PSMD5: variants seen among roughly 807,000 people sequenced by gnomAD.
The protein encoded by PSMD5 is 26S proteasome non-ATPase regulatory subunit 5.
In PSMD5, 40 loss-of-function variants were observed where a neutral mutation model predicts 52.1. The observed-to-expected ratio is 0.77, with a 90% CI of 0.60 to 1.00. The LOEUF is 1.00. Among genes scored for constraint, PSMD5 ranks in the 50% least tolerant of loss-of-function variants. PSMD5 has a pLI of 0.00. For synonymous variants in PSMD5, 211 were observed against 226.6 expected (o/e 0.93, Z 0.62); for missense variants, 575 against 605.2 (o/e 0.95, Z 0.52).
chr9:120,837,648 G>T (rs2045207473), intron 1 of PSMD5, among the ~76,000 whole-genome samples: 1 of 152,140 alleles, frequency 6.6e-6, no homozygotes, highest in Non-Finnish European at 1.5e-5. Flanking sequence ...TACACTGCTG[G>T]TAGAAATGTA....
At position 120,821,477 on chromosome 9, in the gene PSMD5, A is replaced by T; in HGVS notation, c.1007-13T>A. 1 of 1,511,904 alleles carries T rather than the reference A, an allele frequency of 6.6e-7. No homozygotes were observed. Among genetic ancestry groups the T allele is most frequent in the Non-Finnish European group, 9.0e-7 (1 of 1,111,760 alleles). 93.7% of individuals were successfully genotyped at this position (1,511,904 alleles called of 1,614,324 possible). A position where few individuals can be genotyped will look rare whatever the true frequency, so the allele number is the denominator to read the frequency against. On this transcript the variant is annotated splice_polypyrimidine_tract_variant and intron_variant, in intron 7 of 9. Transcript: ENST00000210313. The stretch of plus-strand genomic sequence containing the variant: ...TCAAAGCGAGTTCCTTTGAAGGATA[A>T]CAGTGAGATTCTTCTTTATTATGGT...
intron 1 of PSMD5, among the ~76,000 whole-genome samples, chr9:120,838,309 C>T (rs141552842): frequency 1.7e-3 from 258 of 152,266 alleles, no homozygotes; most frequent in African/African-American, 5.8e-3. Context: ...AGTAGTGGTA[C>T]GTTAAACTGC....
At chr9:120,842,384 C>T (rs1343277551) in intron 1 of PSMD5, 2 of 267,016 alleles carry the variant, frequency 7.5e-6, no homozygotes, top group African/African-American at 4.4e-5. Context: ...AGGATAGGAT[C>T]CTTTTAGAAG....
At chr9:120,838,357 T>C (rs562854113) in intron 1 of PSMD5, among the ~76,000 whole-genome samples, 1 of 152,342 alleles carries the variant, frequency 6.6e-6, no homozygotes, top group South Asian at 2.1e-4. Context: ...GACCCTTCTT[T>C]GCCAACGAGC....
In PSMD5 at chr9:120,833,565, T is replaced by A. The variant is rs544070737; in HGVS notation, c.174-109A>T. 147 of 1,168,496 alleles carry A rather than the reference T, an allele frequency of 1.3e-4. No homozygotes were observed. The African/African-American group carries it at 2.0e-3, about 16-fold the overall frequency. 72.4% of individuals were successfully genotyped at this position (1,168,496 alleles called of 1,614,324 possible). ...AGCGTCTCCTCCACACAGACTTCTT[T>A]TTGAAACAGCAGCTTTCACTCACCT... On this transcript the variant is annotated intron_variant, in intron 1 of 9. Transcript: ENST00000210313.
At chr9:120,835,444 G>A (rs765373884) in intron 1 of PSMD5, among the ~76,000 whole-genome samples, 1 of 152,156 alleles carries the variant, frequency 6.6e-6, no homozygotes, top group African/African-American at 2.4e-5. Flanking sequence ...AGTAGATTCC[G>A]CTAGGCTCGG....
chr9:120,826,770 A>T lies in PSMD5; in HGVS notation c.809T>A (p.Leu270Gln), dbSNP rs1386117582. ...TAGGCATCAGTGTTCCTTACCTGGC[A>T]GATAGAAGCTAGAGAAAGGGTCTGA... ...ADSDPFSSFY[L>Q]PGFVKFFGNL... The change falls in exon 6 of 10, where the codon CTG becomes CAG. Residue 270 changes from leucine (L) to glutamine (Q), a missense_variant. Transcript: ENST00000210313. 1.2e-6 allele frequency: 2 copies of T among 1,613,658 alleles called. No individual in the cohort carries two copies. Among genetic ancestry groups the T allele is most frequent in the African/African-American group, 1.3e-5 (1 of 75,038 alleles).
intron 5 of PSMD5, 120 bp downstream of exon 5, chr9:120,828,979 C>T (rs2045142097): frequency 7.8e-7 from 1 of 1,283,490 alleles, no homozygotes; most frequent in Non-Finnish European, 1.0e-6. Flanking sequence ...TCAGGACACA[C>T]ATCAGTCATG....
intron 8 of PSMD5, 124 bp downstream of exon 8, chr9:120,821,231 T>A: frequency 1.3e-6 from 1 of 750,644 alleles, no homozygotes; most frequent in South Asian, 2.2e-5. Flanking sequence ...ATTAAAAATG[T>A]CACTAGTCAT....
intron 1 of PSMD5, among the ~76,000 whole-genome samples, chr9:120,839,295 TA>T (rs1195044268): frequency 6.6e-6 from 1 of 152,184 alleles, no homozygotes; most frequent in African/African-American, 2.4e-5. Context: ...AATGGCATTC[TA>T]AAAACTCACT....
At chr9:120,824,394 A>G in intron 7 of PSMD5, 100 bp downstream of exon 7, 1 of 1,161,648 alleles carries the variant, frequency 8.6e-7, no homozygotes, top group Non-Finnish European at 1.3e-6. Flanking sequence ...CACCCATAAA[A>G]TAGTTTCTAC....
intron 5 of PSMD5, among the ~76,000 whole-genome samples, chr9:120,828,518 C>A (rs563532667): frequency 2.2e-4 from 32 of 148,812 alleles, no homozygotes; most frequent in Non-Finnish European, 3.3e-4. Flanking sequence ...ACCTCCACCT[C>A]CCAGGTTCAA....
chr9:120,824,474 C>T lies in PSMD5; in HGVS notation c.1006+20G>A. 6.2e-7 allele frequency: 1 copy of T among 1,612,928 alleles called. No homozygotes were observed. The highest frequency in any genetic ancestry group is 2.2e-5 in the East Asian group (1 of 44,864). On this transcript the variant is annotated intron_variant, in intron 7 of 9. Transcript: ENST00000210313. ...TGTCAAAGATTAAGATATCCCTGAA[C>T]AGGGCCAAGTCATACCAACCTGTTT... is the stretch of plus-strand genomic sequence containing the variant.
intron 2 of PSMD5, among the ~76,000 whole-genome samples, chr9:120,833,094 G>A (rs926790384): frequency 6.6e-6 from 1 of 152,118 alleles, no homozygotes; most frequent in Admixed American, 6.5e-5. Context: ...GGTACTTAAT[G>A]GAACTTCTTT....
chr9:120,826,586 G>A lies in PSMD5; in HGVS notation c.814+179C>T, dbSNP rs558548092. ...CATCAGGGTGGATGACCCTTTTAATGTGCTGTTGAATTTGAACTTGGTTGC... is the reference window on the plus strand; with the variant it reads ...CATCAGGGTGGATGACCCTTTTAATATGCTGTTGAATTTGAACTTGGTTGC... On this transcript the variant is annotated intron_variant, in intron 6 of 9. Transcript: ENST00000210313. 26 of 689,486 alleles carry A rather than the reference G, an allele frequency of 3.8e-5. No homozygotes were observed. In the South Asian group the frequency reaches 5.9e-4, roughly 16 times the overall value. 42.7% of individuals were successfully genotyped at this position (689,486 alleles called of 1,614,324 possible).
intron 7 of PSMD5, among the ~76,000 whole-genome samples, chr9:120,823,150 G>C (rs1163578941): frequency 6.6e-6 from 1 of 151,624 alleles, no homozygotes; most frequent in Non-Finnish European, 1.5e-5. Context: ...ATATTATTTT[G>C]TGTGTAAAAT....
At chr9:120,832,460 G>A (rs940700437) in intron 2 of PSMD5, among the ~76,000 whole-genome samples, 3 of 146,996 alleles carry the variant, frequency 2.0e-5, no homozygotes, top group Non-Finnish European at 3.0e-5. Context: ...GCAGTGGCGC[G>A]ATCTCAGCTC....
At chr9:120,824,880 C>T (rs1157722551) in intron 6 of PSMD5, 195 bp from the exon 7 acceptor site, 2 of 469,622 alleles carry the variant, frequency 4.3e-6, no homozygotes, top group South Asian at 4.7e-5. Context: ...TGAGAGAGGG[C>T]GTCAATGGAG....
Position 120,831,423 on chromosome 9 carries a change from C to T in PSMD5, c.469G>A (p.Ala157Thr), listed in dbSNP as rs759153707. Reference sequence around the variant, plus strand: ...CTTTCAAATAAAGCCTCCAGTCCAGCTTGGGTTAGTGATATTCTTGACAGG... The same window carrying T: ...CTTTCAAATAAAGCCTCCAGTCCAGTTTGGGTTAGTGATATTCTTGACAGG... The part of the protein sequence containing the change: ...KSLSRISLTQ[A>T]GLEALFESNL... Residue 157 changes from alanine (A) to threonine (T), a missense_variant, in exon 4 of 10, where the codon GCT (alanine) becomes ACT (threonine). Ala to Thr is a moderately conservative substitution (Grantham distance 58). Coordinates refer to ENST00000210313, the MANE Select transcript of PSMD5 (RefSeq NM_005047.4). 1.2e-6 allele frequency: 2 copies of T among 1,611,818 alleles called. No individual in the cohort carries two copies. The highest frequency in any genetic ancestry group is 1.7e-6 in the Non-Finnish European group (2 of 1,179,294).
Sources: allele counts gnomAD v4.1 joint callset (sites outside exome capture counted in the v4.1 genomes callset), GRCh38; gene constraint gnomAD v4.1.1; transcripts MANE v1.5; gene names NCBI Gene and HGNC (gene_info 2026-07-23, HGNC 2026-07-21).